Variants in KALRN observed in about 807,000 individuals in gnomAD.
The protein encoded by KALRN is kalirin RhoGEF kinase, also known as kalirin.
In KALRN, 70 loss-of-function variants were observed where a neutral mutation model predicts 353.7. The ratio of observed to expected loss-of-function variants is 0.20; its 90% CI spans 0.16 to 0.24. The LOEUF is 0.24. Ranked by LOEUF, KALRN falls within the 10% of genes least tolerant of loss-of-function variation. The pLI is 1.00. For missense variants in KALRN, 2,791 were observed against 3,756.7 expected (o/e 0.74, Z 6.72); for synonymous variants, 1,391 against 1,434.8 (o/e 0.97, Z 0.69).
At chr3:124,501,547 A>G (rs2064541126) in intron 33 of KALRN, among the ~76,000 whole-genome samples, 1 of 152,220 alleles carries the variant, frequency 6.6e-6, no homozygotes, top group Non-Finnish European at 1.5e-5. Context: ...CTGCTGCTTT[A>G]TAATAAGCCG....
At chr3:124,393,223 C>A (rs957017630) in intron 11 of KALRN, among the ~76,000 whole-genome samples, 1 of 152,156 alleles carries the variant, frequency 6.6e-6, no homozygotes, top group Non-Finnish European at 1.5e-5. Flanking sequence ...ACCTTGGCCT[C>A]CCAAAGTGTT....
intron 33 of KALRN, chr3:124,504,725 T>C: frequency 2.5e-6 from 1 of 400,220 alleles, no homozygotes; most frequent in Non-Finnish European, 5.2e-6. Flanking sequence ...CTGGTTGGGC[T>C]CTGAGAGCTT....
intron 1 of KALRN, among the ~76,000 whole-genome samples, chr3:124,219,192 A>G (rs2077635458): frequency 6.6e-6 from 1 of 152,220 alleles, no homozygotes; most frequent in Non-Finnish European, 1.5e-5. Context: ...AGTCATTGAG[A>G]GAAGTACTCA....
At chr3:124,056,779 G>A (rs1319540217) in intron 1 of KALRN, among the ~76,000 whole-genome samples, 1 of 152,202 alleles carries the variant, frequency 6.6e-6, no homozygotes, top group African/African-American at 2.4e-5. Context: ...TACAAGCTAA[G>A]TTCTGAGCCA....
At chr3:124,159,018 C>T (rs1276974080) in intron 1 of KALRN, among the ~76,000 whole-genome samples, 3 of 152,108 alleles carry the variant, frequency 2.0e-5, no homozygotes, top group Non-Finnish European at 2.9e-5. Flanking sequence ...CAAACAATTG[C>T]CTTTACAACC....
At chr3:124,405,475 T>C (rs16835369) in intron 13 of KALRN, among the ~76,000 whole-genome samples, 4,241 of 152,234 alleles carry the variant, frequency 0.028, 160 homozygotes, top group African/African-American at 0.09. Flanking sequence ...ATATACGTTA[T>C]AGGAGCTCTT....
chr3:124,666,463 T>C lies in KALRN; in HGVS notation c.6360T>C (p.Ala2120=). ...RLQGFEGTLT[A]QGKLLQQDTF... Reference sequence around the variant, plus strand: ...CTTTCCTTCAGGGCACTCTGACTGCTCAGGGGAAGCTGCTGCAGCAGGACA... The same window carrying C: ...CTTTCCTTCAGGGCACTCTGACTGCCCAGGGGAAGCTGCTGCAGCAGGACA... Residue 2120 remains alanine (A), a synonymous_variant, in exon 46 of 60, where the codon GCT becomes GCC. Transcript: ENST00000682506. 6.2e-7 allele frequency: 1 copy of C among 1,613,954 alleles called. No homozygotes were observed. Among genetic ancestry groups the C allele is most frequent in the Non-Finnish European group, 8.5e-7 (1 of 1,179,864 alleles).
intron 34 of KALRN, 141 bp from the exon 35 acceptor site, chr3:124,632,279 G>C (rs918776636): frequency 4.2e-6 from 3 of 720,802 alleles, no homozygotes; most frequent in African/African-American, 1.8e-5. Context: ...TTGTTGAGAG[G>C]GTTCTCTGGA....
At chr3:124,045,517 G>T (rs2040392501) in intron 1 of KALRN, among the ~76,000 whole-genome samples, 1 of 152,192 alleles carries the variant, frequency 6.6e-6, no homozygotes, top group Admixed American at 6.5e-5. Context: ...CATTCTTCAT[G>T]ATCCCAACCA....
intron 5 of KALRN, among the ~76,000 whole-genome samples, chr3:124,289,467 T>C (rs996283396): frequency 2.0e-5 from 3 of 151,952 alleles, no homozygotes; most frequent in Admixed American, 2.0e-4. Context: ...AGTTACTTAA[T>C]CTCTCTGAAT....
chr3:124,453,885 A>G (rs1383818840), intron 21 of KALRN, among the ~76,000 whole-genome samples: 1 of 152,144 alleles, frequency 6.6e-6, no homozygotes, highest in Non-Finnish European at 1.5e-5. Flanking sequence ...TGTTAACTCT[A>G]CATTCTCCCA....
At chr3:124,460,507 T>G (rs572376671) in intron 23 of KALRN, among the ~76,000 whole-genome samples, 1 of 152,340 alleles carries the variant, frequency 6.6e-6, no homozygotes, top group African/African-American at 2.4e-5. Flanking sequence ...GGCCGTCAGT[T>G]TATGTTCCTT....
chr3:124,263,206 G>A (rs181418200), intron 3 of KALRN, among the ~76,000 whole-genome samples: 168 of 152,226 alleles, frequency 1.1e-3, no homozygotes, highest in African/African-American at 3.9e-3. Flanking sequence ...TTTTCAAGAT[G>A]GTCACTGTCA....
chr3:124,166,366 A>G (rs901102908), intron 1 of KALRN, among the ~76,000 whole-genome samples: 1 of 152,166 alleles, frequency 6.6e-6, no homozygotes, highest in Non-Finnish European at 1.5e-5. Flanking sequence ...TAGTGACTGG[A>G]AAGATGGTGT....
chr3:124,317,897 C>T (rs1436435213), intron 6 of KALRN, among the ~76,000 whole-genome samples: 1 of 151,990 alleles, frequency 6.6e-6, no homozygotes, highest in African/African-American at 2.4e-5. Context: ...ACTAGGTGCC[C>T]CTGAATCTGA....
At chr3:124,293,524 T>A (rs1463542121) in intron 5 of KALRN, among the ~76,000 whole-genome samples, 1 of 152,206 alleles carries the variant, frequency 6.6e-6, no homozygotes, top group Non-Finnish European at 1.5e-5. Context: ...AGTAGATTCA[T>A]TTAACATTTA....
At chr3:124,452,099 A>G (rs928785971) in intron 21 of KALRN, among the ~76,000 whole-genome samples, 1 of 152,212 alleles carries the variant, frequency 6.6e-6, no homozygotes, top group African/African-American at 2.4e-5. Flanking sequence ...TCTGATCTCA[A>G]AAGCTGTGAC....
intron 3 of KALRN, among the ~76,000 whole-genome samples, chr3:124,250,289 C>A (rs78174796): frequency 0.012 from 1,869 of 152,324 alleles, 28 homozygotes; most frequent in African/African-American, 0.039. Context: ...TGCCAGGAAA[C>A]CAGAGCCCAG....
chr3:124,544,284 G>A (rs1461287095), intron 33 of KALRN, among the ~76,000 whole-genome samples: 1 of 152,220 alleles, frequency 6.6e-6, no homozygotes, highest in African/African-American at 2.4e-5. Flanking sequence ...AAGGGGGCCA[G>A]GTGCAGTGGC....
Sources: gnomAD v4.1 joint callset for allele counts (sites outside exome capture counted in the v4.1 genomes callset) on GRCh38, gnomAD v4.1.1 for gene constraint, MANE v1.5 for transcripts, NCBI Gene and HGNC (gene_info 2026-07-23, HGNC 2026-07-21) for gene names.